PRKG1: variants seen among roughly 807,000 people sequenced by gnomAD.
PRKG1 encodes the protein cGMP-dependent protein kinase 1.
Under a neutral mutation model 88.1 loss-of-function variants are expected in PRKG1, and 35 were observed. The ratio of observed to expected loss-of-function variants is 0.40; its 90% CI spans 0.30 to 0.53. PRKG1 has a LOEUF of 0.53. Ranked by LOEUF, PRKG1 falls within the 20% of genes least tolerant of loss-of-function variation. PRKG1 has a pLI of 0.59. For synonymous variants in PRKG1, 303 were observed against 292.5 expected, an observed-to-expected ratio of 1.04 and a Z score of -0.37; for missense variants, 540 against 839.8, an observed-to-expected ratio of 0.64 and a Z score of 4.41.
intron 7 of PRKG1, among the ~76,000 whole-genome samples, chr10:52,103,569 T>C (rs968535507): frequency 3.3e-5 from 5 of 152,178 alleles, no homozygotes; most frequent in East Asian, 1.9e-4. Flanking sequence ...ATGTGACACA[T>C]ATAATATATA....
At chr10:51,505,383 T>C (rs1349856014) in intron 3 of PRKG1, among the ~76,000 whole-genome samples, 3 of 152,340 alleles carry the variant, frequency 2.0e-5, no homozygotes, top group Non-Finnish European at 1.5e-5. Context: ...CAATATTTTA[T>C]TGAGGATTTT....
chr10:51,695,080 G>C (rs72797358), intron 3 of PRKG1, among the ~76,000 whole-genome samples: 10,779 of 152,008 alleles, frequency 0.071, 420 homozygotes, highest in East Asian at 0.12. Context: ...AAAATATTTT[G>C]TCCTGTTCCC....
chr10:52,212,363 T>C (rs188443439), intron 9 of PRKG1, among the ~76,000 whole-genome samples: 1 of 152,192 alleles, frequency 6.6e-6, no homozygotes, highest in Non-Finnish European at 1.5e-5. Context: ...ACCTTTAGGG[T>C]GAACTTAAAA....
At chr10:51,705,432 T>TTTAG (rs1841582258) in intron 3 of PRKG1, among the ~76,000 whole-genome samples, 1 of 152,214 alleles carries the variant, frequency 6.6e-6, no homozygotes, top group African/African-American at 2.4e-5. Context: ...CAAATGATAA[T>TTTAG]TTAGTGCCTT....
At chr10:51,020,269 C>T (rs909452305) in intron 1 of PRKG1, among the ~76,000 whole-genome samples, 17 of 152,280 alleles carry the variant, frequency 1.1e-4, no homozygotes, top group Non-Finnish European at 4.4e-5. Flanking sequence ...ATTGAGATTA[C>T]AGGCATGTTG....
At chr10:51,109,502 A>AAC (rs1844929086) in intron 1 of PRKG1, among the ~76,000 whole-genome samples, 1 of 152,158 alleles carries the variant, frequency 6.6e-6, no homozygotes, top group African/African-American at 2.4e-5. Flanking sequence ...TTCTTCAAGA[A>AAC]ACAGTGAGTG....
At chr10:51,537,536 G>T (rs1842187538) in intron 3 of PRKG1, among the ~76,000 whole-genome samples, 1 of 151,966 alleles carries the variant, frequency 6.6e-6, no homozygotes, top group Non-Finnish European at 1.5e-5. Flanking sequence ...TTGGAGACCA[G>T]CCTGACAACA....
chr10:52,250,421 G>A (rs918139823), intron 9 of PRKG1, among the ~76,000 whole-genome samples: 1 of 152,216 alleles, frequency 6.6e-6, no homozygotes, highest in Non-Finnish European at 1.5e-5. Flanking sequence ...CCCAAGTGGA[G>A]AGTCTAAATT....
intron 2 of PRKG1, among the ~76,000 whole-genome samples, chr10:51,165,925 A>G (rs1313941846): frequency 2.0e-5 from 3 of 152,176 alleles, no homozygotes; most frequent in Admixed American, 1.3e-4. Flanking sequence ...ACAGAGTTTA[A>G]TTAATAGCCT....
intron 4 of PRKG1, among the ~76,000 whole-genome samples, chr10:51,834,700 GA>G (rs1840086500): frequency 8.1e-6 from 1 of 124,218 alleles, no homozygotes; most frequent in African/African-American, 4.0e-5. Flanking sequence ...AAGAAAGAGA[GA>G]GAGAGAAAGA....
At chr10:51,381,570 T>C (rs1837105158) in intron 2 of PRKG1, among the ~76,000 whole-genome samples, 1 of 152,158 alleles carries the variant, frequency 6.6e-6, no homozygotes, top group South Asian at 2.1e-4. Context: ...TCTCTCTTCT[T>C]GACTCAAAAC....
Position 52,251,773 on chromosome 10 carries a change from A to G in PRKG1, c.1173+107A>G. The stretch of plus-strand genomic sequence containing the variant: ...TCTCTTGTTTTGTCTTTCATCATTA[A>G]TTACCATGATTCCTAAATCAGTTCC... On this transcript the variant is annotated intron_variant, in intron 10 of 17. Transcript: ENST00000373980. 3.3e-6 allele frequency: 3 copies of G among 910,550 alleles called. No homozygotes were observed. In the South Asian group the frequency reaches 5.0e-5, roughly 15 times the overall value. 56.4% of individuals were successfully genotyped at this position (910,550 alleles called of 1,614,324 possible).
intron 8 of PRKG1, among the ~76,000 whole-genome samples, chr10:52,149,423 T>C (rs1358841807): frequency 6.6e-6 from 1 of 152,090 alleles, no homozygotes; most frequent in Non-Finnish European, 1.5e-5. Context: ...CAAATCCATA[T>C]GTTGAAGTTC....
chr10:52,257,450 G>A (rs1841335856), intron 10 of PRKG1, among the ~76,000 whole-genome samples: 2 of 140,338 alleles, frequency 1.4e-5, no homozygotes, highest in African/African-American at 4.9e-5. Flanking sequence ...GAAACCCCAT[G>A]TAAGATGAAA....
chr10:52,142,238 T>C (rs971482214), intron 8 of PRKG1, among the ~76,000 whole-genome samples: 74 of 152,284 alleles, frequency 4.9e-4, no homozygotes, highest in African/African-American at 1.7e-3. Context: ...CCTCATAACA[T>C]CTGTTTCAGT....
chr10:52,271,994 C>T (rs1034318293), intron 11 of PRKG1, among the ~76,000 whole-genome samples: 3 of 151,936 alleles, frequency 2.0e-5, no homozygotes, highest in African/African-American at 7.2e-5. Flanking sequence ...TGAATTTGAG[C>T]GAATAGCATA....
intron 3 of PRKG1, among the ~76,000 whole-genome samples, chr10:51,601,721 A>ATTTTTTTT (rs749205610): frequency 2.5e-4 from 11 of 43,572 alleles, no homozygotes; most frequent in Non-Finnish European, 2.7e-4. Flanking sequence ...GGCAGATTGA[A>ATTTTTTTT]TTTTTTTTTT....
chr10:51,338,654 G>C (rs1321774055), intron 2 of PRKG1, among the ~76,000 whole-genome samples: 1 of 152,070 alleles, frequency 6.6e-6, no homozygotes, highest in African/African-American at 2.4e-5. Context: ...GGGTAGTCAA[G>C]GATATTGGTT....
intron 8 of PRKG1, 116 bp downstream of exon 8, chr10:52,134,021 T>A (rs1458316170): frequency 5.1e-6 from 4 of 780,172 alleles, no homozygotes; most frequent in Non-Finnish European, 6.0e-6. Context: ...TCTTTTCATT[T>A]TTAAATGAAT....
Sources: allele counts gnomAD v4.1 joint callset (sites outside exome capture counted in the v4.1 genomes callset), GRCh38; gene constraint gnomAD v4.1.1; transcripts MANE v1.5; gene names NCBI Gene and HGNC (gene_info 2026-07-23, HGNC 2026-07-21).